APBB2: variants seen among roughly 807,000 people sequenced by gnomAD.
The protein encoded by APBB2 is Fe65-like 1.
APBB2 carries 38 observed loss-of-function variants against 82.5 expected under a neutral mutation model. The ratio of observed to expected loss-of-function variants is 0.46; its 90% CI spans 0.36 to 0.60. APBB2 has a LOEUF of 0.60. Among genes scored for constraint, APBB2 ranks in the 20% least tolerant of loss-of-function variants. APBB2 has a pLI of 0.00. For missense variants in APBB2, 772 were observed against 972.3 expected (o/e 0.79, Z 2.74); for synonymous variants, 341 against 368.2 (o/e 0.93, Z 0.85).
At chr4:41,049,620 C>T (rs1195731936) in intron 4 of APBB2, among the ~76,000 whole-genome samples, 10 of 152,270 alleles carry the variant, frequency 6.6e-5, no homozygotes, top group African/African-American at 1.9e-4. Flanking sequence ...GCCACCACCC[C>T]GTCTGGGAGG....
In APBB2 at chr4:41,014,242, T is replaced by G. The variant is rs772250246; in HGVS notation, c.176A>C (p.Lys59Thr). The change falls in exon 6 of 18, where the codon AAG becomes ACG. Residue 59 changes from lysine to threonine, a missense_variant. Coordinates refer to ENST00000508593, the MANE Select transcript of APBB2 (RefSeq NM_004307.2). ...CCTGCATTTGGGAGGTGTGCTGTTCTTGGTTTCTGTGTGTTTTATTTCAGC... is the reference window on the plus strand; with the variant it reads ...CCTGCATTTGGGAGGTGTGCTGTTCGTGGTTTCTGTGTGTTTTATTTCAGC... Reference protein sequence around the residue: ...LNAEIKHTETKNSTPPKCRKK... With the variant: ...LNAEIKHTETTNSTPPKCRKK... 8 of 1,614,134 alleles carry G rather than the reference T, an allele frequency of 5.0e-6. No homozygotes were observed. In the African/African-American group the frequency reaches 1.1e-4, roughly 22 times the overall value.
chr4:40,947,452 C>T (rs1191300573), intron 6 of APBB2, among the ~76,000 whole-genome samples: 2 of 152,182 alleles, frequency 1.3e-5, no homozygotes, highest in Admixed American at 1.3e-4. Context: ...GTCAGACCAA[C>T]GGCAGAGGCC....
chr4:40,898,773 C>T (rs1392985170), intron 10 of APBB2, among the ~76,000 whole-genome samples: 1 of 150,780 alleles, frequency 6.6e-6, no homozygotes, highest in Admixed American at 6.6e-5. Context: ...TTTGGGAGGC[C>T]AAGGTGGGCG....
At chr4:41,108,588 G>A (rs761045869) in intron 2 of APBB2, among the ~76,000 whole-genome samples, 13 of 152,252 alleles carry the variant, frequency 8.5e-5, no homozygotes, top group Non-Finnish European at 1.6e-4. Flanking sequence ...GGTGAGAAAC[G>A]CTGTGCAGGT....
intron 3 of APBB2, among the ~76,000 whole-genome samples, chr4:41,068,792 T>C (rs1732831274): frequency 6.2e-4 from 1 of 1,606 alleles, no homozygotes; most frequent in Non-Finnish European, 1.4e-3. Flanking sequence ...AACCATCTTT[T>C]TTTTTTTTTT....
chr4:40,839,734 G>A (rs1755195525), intron 12 of APBB2, among the ~76,000 whole-genome samples: 1 of 151,282 alleles, frequency 6.6e-6, no homozygotes, highest in East Asian at 1.9e-4. Context: ...GTGCCATCTC[G>A]GCTCACTGCA....
At chr4:41,139,541 T>A (rs917954988) in intron 2 of APBB2, among the ~76,000 whole-genome samples, 2 of 152,172 alleles carry the variant, frequency 1.3e-5, no homozygotes. Context: ...AATAGGTGAA[T>A]GGATAAAGTG....
At chr4:40,972,095 G>A (rs6838141) in intron 6 of APBB2, among the ~76,000 whole-genome samples, 39,780 of 151,984 alleles carry the variant, frequency 0.26, 5,256 homozygotes, top group Middle Eastern at 0.32. Flanking sequence ...TATTTTTACT[G>A]CTCAATTTTA....
chr4:41,102,685 C>T (rs1270937078), intron 2 of APBB2, among the ~76,000 whole-genome samples: 2 of 152,150 alleles, frequency 1.3e-5, no homozygotes, highest in Non-Finnish European at 2.9e-5. Flanking sequence ...TCTGGTATCC[C>T]GACTCCATCT....
intron 3 of APBB2, among the ~76,000 whole-genome samples, chr4:41,074,528 GATTT>G (rs1202407341): frequency 1.3e-5 from 2 of 151,702 alleles, no homozygotes; most frequent in African/African-American, 4.8e-5. Context: ...TCAATCTATT[GATTT>G]ATCAACAAAG....
chr4:41,036,924 T>C (rs1311070415), intron 4 of APBB2, among the ~76,000 whole-genome samples: 3 of 152,156 alleles, frequency 2.0e-5, no homozygotes, highest in Admixed American at 1.3e-4. Context: ...TGAGAAGATA[T>C]CAAAGCAGCA....
chr4:40,849,203 T>C (rs1006552615), intron 12 of APBB2, among the ~76,000 whole-genome samples: 3 of 152,210 alleles, frequency 2.0e-5, no homozygotes, highest in Non-Finnish European at 4.4e-5. Context: ...GTTCATATCC[T>C]GTTTTCATGT....
At chr4:40,930,120 G>A (rs1211148387) in intron 10 of APBB2, among the ~76,000 whole-genome samples, 6 of 152,068 alleles carry the variant, frequency 3.9e-5, no homozygotes, top group Non-Finnish European at 8.8e-5. Context: ...GAGAAAATGT[G>A]AATAAAGTTT....
intron 6 of APBB2, among the ~76,000 whole-genome samples, chr4:40,945,798 C>T (rs190867275): frequency 3.2e-4 from 48 of 152,148 alleles, no homozygotes; most frequent in Non-Finnish European, 6.6e-4. Flanking sequence ...TTAATAGAGA[C>T]GAGGTTTCAC....
At chr4:40,906,164 A>C (rs1776640930) in intron 10 of APBB2, among the ~76,000 whole-genome samples, 2 of 152,154 alleles carry the variant, frequency 1.3e-5, no homozygotes, top group Admixed American at 1.3e-4. Context: ...TGTTAACTTA[A>C]AAGCATTCTC....
chr4:40,973,207 C>T (rs1796369656), intron 6 of APBB2, among the ~76,000 whole-genome samples: 2 of 152,156 alleles, frequency 1.3e-5, no homozygotes, highest in Non-Finnish European at 2.9e-5. Context: ...GCAGGTTCGA[C>T]CAATAAGAGG....
intron 10 of APBB2, among the ~76,000 whole-genome samples, chr4:40,930,982 C>A (rs1784093745): frequency 1.3e-5 from 2 of 152,164 alleles, no homozygotes; most frequent in Non-Finnish European, 2.9e-5. Flanking sequence ...CTCTTGACCT[C>A]TTGATCTGCC....
chr4:41,208,739 T>C (rs1431206952), intron 1 of APBB2, among the ~76,000 whole-genome samples: 1 of 152,210 alleles, frequency 6.6e-6, no homozygotes, highest in Non-Finnish European at 1.5e-5. Context: ...ACTTTGTTTA[T>C]AACCACTGTC....
At chr4:41,008,139 A>G (rs944574774) in intron 6 of APBB2, among the ~76,000 whole-genome samples, 6 of 152,210 alleles carry the variant, frequency 3.9e-5, no homozygotes, top group Non-Finnish European at 8.8e-5. Context: ...GAAATCTGAT[A>G]TATTTAGCCT....
Sources: allele counts gnomAD v4.1 joint callset (sites outside exome capture counted in the v4.1 genomes callset), GRCh38; gene constraint gnomAD v4.1.1; transcripts MANE v1.5; gene names NCBI Gene and HGNC (gene_info 2026-07-23, HGNC 2026-07-21).